Variants in COL4A5 observed in about 807,000 individuals in gnomAD.
COL4A5 encodes collagen alpha-5(IV) chain.
In COL4A5, 26 loss-of-function variants were observed where a neutral mutation model predicts 130.2. The ratio of observed to expected loss-of-function variants is 0.20; its 90% CI spans 0.15 to 0.28. COL4A5 has a LOEUF of 0.28. Ranked by LOEUF, COL4A5 falls within the 10% of genes least tolerant of loss-of-function variation. The pLI is 1.00. For missense variants in COL4A5, 1,131 were observed against 1,344.3 expected (o/e 0.84, Z 2.48); for synonymous variants, 496 against 439.6 (o/e 1.13, Z -1.60).
intron 13 of COL4A5, among the ~76,000 whole-genome samples, 162 bp downstream of exon 13, chrX:108,578,545 T>G (rs903061863): frequency 1.8e-5 from 2 of 111,520 alleles, no homozygotes; most frequent in Admixed American, 1.9e-4. Context: ...TCAATAAAGC[T>G]GAAAAAAATA....
At chrX:108,616,620 G>A (rs752536028) in intron 30 of COL4A5, among the ~76,000 whole-genome samples, 4 of 111,448 alleles carry the variant, frequency 3.6e-5, no homozygotes, top group African/African-American at 9.8e-5. Flanking sequence ...AAGTGCATGA[G>A]TCTTTAGAAG....
rs537811515 is a variant in COL4A5, at chrX:108,627,432, G to A, written c.3246+1083G>A. ...GGTTTTTTCTACACATTGTGTATATGTAGAATCATGGTATGCATGCTACTC... is the reference window on the plus strand; with the variant it reads ...GGTTTTTTCTACACATTGTGTATATATAGAATCATGGTATGCATGCTACTC... On this transcript the variant is annotated intron_variant, in intron 36 of 52. Transcript: ENST00000328300. The A allele has an allele frequency of 2.3e-5, 17 of 738,581 alleles. No individual in the cohort carries two copies. In the African/African-American group the frequency reaches 4.0e-4, roughly 17 times the overall value. 60.9% of individuals were successfully genotyped at this position (738,581 alleles called of 1,213,427 possible). A position where few individuals can be genotyped will look rare whatever the true frequency, so the allele number is the denominator to read the frequency against.
At chrX:108,597,351 TTTC>T in intron 23 of COL4A5, 23 bp from the exon 24 acceptor site, 4 of 1,185,764 alleles carry the variant, frequency 3.4e-6, no homozygotes, top group Non-Finnish European at 4.6e-6. Context: ...TCCACTCTTT[TTTC>T]TTTTTTTCCT....
chrX:108,605,171 T>C (rs772246776), intron 28 of COL4A5, among the ~76,000 whole-genome samples: 1 of 112,528 alleles, frequency 8.9e-6, no homozygotes, highest in African/African-American at 3.2e-5. Context: ...GCAAGAGACC[T>C]AGCCTTCAAC....
At chrX:108,527,288 G>A (rs986561342) in intron 1 of COL4A5, among the ~76,000 whole-genome samples, 9 of 110,770 alleles carry the variant, frequency 8.1e-5, no homozygotes, top group African/African-American at 2.6e-4. Context: ...ATTACTTTGG[G>A]ATTAATACTC....
chrX:108,515,266 T>C (rs2065210754), intron 1 of COL4A5, among the ~76,000 whole-genome samples: 1 of 111,737 alleles, frequency 8.9e-6, no homozygotes, highest in African/African-American at 3.2e-5. Context: ...ATAATAGTTT[T>C]CTACTGTTGT....
chrX:108,523,209 A>G (rs1414164381), intron 1 of COL4A5, among the ~76,000 whole-genome samples: 1 of 110,900 alleles, frequency 9.0e-6, no homozygotes, highest in Non-Finnish European at 1.9e-5. Flanking sequence ...TTCTTCTAAG[A>G]GTTTTATAGT....
intron 1 of COL4A5, among the ~76,000 whole-genome samples, chrX:108,440,926 A>G (rs1000332015): frequency 6.3e-5 from 7 of 111,584 alleles, no homozygotes; most frequent in African/African-American, 2.3e-4. Flanking sequence ...CATCTGAACA[A>G]ATTGAGAATT....
At chrX:108,546,010 A>G (rs2065644974) in intron 2 of COL4A5, among the ~76,000 whole-genome samples, 1 of 111,807 alleles carries the variant, frequency 8.9e-6, no homozygotes, top group African/African-American at 3.3e-5. Context: ...GTCTCTGCAC[A>G]TGAGATGGGT....
At chrX:108,483,764 C>T (rs969617770) in intron 1 of COL4A5, among the ~76,000 whole-genome samples, 2 of 112,353 alleles carry the variant, frequency 1.8e-5, no homozygotes, top group Non-Finnish European at 3.8e-5. Context: ...CTTTTCTCCA[C>T]ATCCTTTCCA....
intron 2 of COL4A5, among the ~76,000 whole-genome samples, chrX:108,551,041 C>T (rs1420940673): frequency 9.0e-6 from 1 of 111,348 alleles, no homozygotes; most frequent in African/African-American, 3.3e-5. Flanking sequence ...TATAAAAATC[C>T]TAGAAGAAAA....
At chrX:108,686,250 T>C (rs1487579402) in intron 48 of COL4A5, 121 bp downstream of exon 48, 11 of 560,012 alleles carry the variant, frequency 2.0e-5, no homozygotes, top group Non-Finnish European at 3.1e-5. Context: ...AGCTGACTGG[T>C]GAATGTGGAC....
At chrX:108,660,106 A>G (rs894024254) in intron 37 of COL4A5, among the ~76,000 whole-genome samples, 2 of 111,743 alleles carry the variant, frequency 1.8e-5, no homozygotes, top group Non-Finnish European at 3.8e-5. Context: ...GCATTAAATT[A>G]ATATTATGTG....
intron 1 of COL4A5, among the ~76,000 whole-genome samples, chrX:108,468,816 A>G (rs1284716024): frequency 1.8e-5 from 2 of 109,183 alleles, no homozygotes; most frequent in Non-Finnish European, 3.8e-5. Context: ...CTATTAATCT[A>G]TAATTTTATT....
At chrX:108,600,400 CTT>C (rs111517017) in intron 25 of COL4A5, among the ~76,000 whole-genome samples, 2 of 110,163 alleles carry the variant, frequency 1.8e-5, no homozygotes. Flanking sequence ...TTTAGGAAAT[CTT>C]TTTTTTCTTG....
intron 1 of COL4A5, among the ~76,000 whole-genome samples, chrX:108,505,711 C>G (rs146458618): frequency 3.7e-4 from 41 of 112,154 alleles, no homozygotes; most frequent in Middle Eastern, 4.6e-3. Flanking sequence ...CTTGATCTCA[C>G]AGCCTTGAGA....
chrX:108,503,981 T>C (rs2065103177), intron 1 of COL4A5, among the ~76,000 whole-genome samples: 1 of 112,092 alleles, frequency 8.9e-6, no homozygotes, highest in African/African-American at 3.2e-5. Flanking sequence ...TCACACTACC[T>C]GACTTCAAAT....
At chrX:108,641,467 A>C (rs1284033104) in intron 36 of COL4A5, among the ~76,000 whole-genome samples, 1 of 111,981 alleles carries the variant, frequency 8.9e-6, no homozygotes, top group Non-Finnish European at 1.9e-5. Flanking sequence ...TTCCAGATCA[A>C]CTGCAACAAC....
At position 108,694,834 on chromosome X, in the gene COL4A5, G is replaced by C; in HGVS notation, c.4734G>C (p.Val1578=). 1 of 1,208,661 alleles carries C rather than the reference G, an allele frequency of 8.3e-7. No individual in the cohort carries two copies. Among genetic ancestry groups the C allele is most frequent in the Non-Finnish European group, 1.1e-6 (1 of 892,941 alleles). Residue 1578 remains valine (V), a synonymous_variant, in exon 51 of 53, where the codon GTG becomes GTC. Coordinates refer to ENST00000328300, the MANE Select transcript of COL4A5 (RefSeq NM_033380.3). Reference sequence around the variant, plus strand: ...GTGCAGTATGTGAAGCTCCAGCTGTGGTGATCGCAGTTCACAGTCAGACGA... The same window carrying C: ...GTGCAGTATGTGAAGCTCCAGCTGTCGTGATCGCAGTTCACAGTCAGACGA... The part of the protein sequence containing the change: ...SRCAVCEAPA[V]VIAVHSQTIQ...
Sources: allele counts gnomAD v4.1 joint callset (sites outside exome capture counted in the v4.1 genomes callset), GRCh38; gene constraint gnomAD v4.1.1; transcripts MANE v1.5; gene names NCBI Gene and HGNC (gene_info 2026-07-23, HGNC 2026-07-21).